Variants in ZC3H12B observed in about 807,000 individuals in gnomAD.
ZC3H12B encodes the protein probable ribonuclease ZC3H12B.
A neutral mutation model predicts 43.9 loss-of-function variants in ZC3H12B; 7 were observed. That is an observed-to-expected ratio of 0.16 (90% CI 0.09 to 0.30). The LOEUF (loss-of-function observed/expected upper bound fraction) is 0.30, where lower values mean the gene tolerates loss of function less well. ZC3H12B is among the 10% of genes least tolerant of loss of function. ZC3H12B has a pLI of 1.00. For synonymous variants in ZC3H12B, 222 were observed against 241.7 expected (o/e 0.92, Z 0.76); for missense variants, 475 against 670.2 (o/e 0.71, Z 3.22).
chrX:65,419,216 G>A (rs1048820311), intron 3 of ZC3H12B, among the ~76,000 whole-genome samples: 26 of 112,041 alleles, frequency 2.3e-4, no homozygotes, highest in Non-Finnish European at 4.3e-4. Flanking sequence ...GTGGAATGAG[G>A]CCTAAATGGA....
At chrX:65,287,293 C>T in the ZC3H12B span, among the ~76,000 whole-genome samples, 1 of 111,591 alleles carries the variant, frequency 9.0e-6, no homozygotes, top group African/African-American at 3.3e-5. Context: ...GGGCACAAAA[C>T]AAGTCTCAAC....
chrX:65,174,938 A>G, the ZC3H12B span, among the ~76,000 whole-genome samples: 1 of 107,845 alleles, frequency 9.3e-6, no homozygotes, highest in Non-Finnish European at 1.9e-5. Flanking sequence ...CAAAAAACAA[A>G]CAAAAAAAAA....
the ZC3H12B span, among the ~76,000 whole-genome samples, chrX:65,230,693 C>T: frequency 1.8e-5 from 2 of 108,752 alleles, no homozygotes; most frequent in East Asian, 5.7e-4. Context: ...CGTTTTTCTT[C>T]AAACATGAAA....
chrX:65,402,550 G>T (rs1025459372), intron 3 of ZC3H12B, among the ~76,000 whole-genome samples: 1 of 111,961 alleles, frequency 8.9e-6, no homozygotes, highest in East Asian at 2.8e-4. Flanking sequence ...GACCCAGCAC[G>T]GTCCTAGTCC....
At chrX:65,354,601 G>A in the ZC3H12B span, among the ~76,000 whole-genome samples, 1 of 111,615 alleles carries the variant, frequency 9.0e-6, no homozygotes, top group Non-Finnish European at 1.9e-5. Flanking sequence ...AAAACTGGAC[G>A]GAGAATGAGT....
At chrX:65,283,061 GC>G in the ZC3H12B span, among the ~76,000 whole-genome samples, 26 of 111,721 alleles carry the variant, frequency 2.3e-4, no homozygotes, top group African/African-American at 8.5e-4. Context: ...GAACATCGAT[GC>G]AAAAATCCTC....
At chrX:65,098,564 A>T in the ZC3H12B span, among the ~76,000 whole-genome samples, 1 of 109,521 alleles carries the variant, frequency 9.1e-6, no homozygotes, top group Non-Finnish European at 1.9e-5. Flanking sequence ...TCTCATTGGG[A>T]CTGGTTAGGC....
intron 3 of ZC3H12B, among the ~76,000 whole-genome samples, chrX:65,419,547 C>A (rs1007604431): frequency 1.8e-5 from 2 of 111,614 alleles, no homozygotes; most frequent in African/African-American, 3.3e-5. Context: ...GACAGTTTCA[C>A]ATTACACATA....
the ZC3H12B span, among the ~76,000 whole-genome samples, chrX:65,171,086 G>A: frequency 9.0e-6 from 1 of 111,698 alleles, no homozygotes; most frequent in Non-Finnish European, 1.9e-5. Flanking sequence ...TTGCTAGAGA[G>A]GAGCTGTGTT....
intron 2 of ZC3H12B, among the ~76,000 whole-genome samples, chrX:65,378,304 T>A (rs899300394): frequency 6.3e-5 from 7 of 111,477 alleles, no homozygotes; most frequent in Non-Finnish European, 1.3e-4. Context: ...ATTGAAAGAT[T>A]AAAAAGACGA....
At chrX:65,507,056 T>G in exon 5 of ZC3H12B, 1 of 112,189 alleles carries the variant, frequency 8.9e-6, no homozygotes, top group Admixed American at 9.5e-5. Context: ...ATACAGTAAT[T>G]CAAACACTGA....
chrX:65,451,968 G>C (rs1185514833), intron 3 of ZC3H12B, among the ~76,000 whole-genome samples: 1 of 111,659 alleles, frequency 9.0e-6, no homozygotes, highest in African/African-American at 3.3e-5. Flanking sequence ...GGACATATAG[G>C]TGAAATAATG....
chrX:65,067,923 GTATGT>G, the ZC3H12B span, among the ~76,000 whole-genome samples: 3 of 109,748 alleles, frequency 2.7e-5, no homozygotes, highest in Non-Finnish European at 5.7e-5. Context: ...TTGAGTTTTG[GTATGT>G]TATATTCTAT....
the ZC3H12B span, among the ~76,000 whole-genome samples, chrX:65,306,998 G>T: frequency 8.9e-6 from 1 of 112,530 alleles, no homozygotes; most frequent in Non-Finnish European, 1.9e-5. Context: ...AAGCAGATAA[G>T]TGGGTATGGT....
chrX:65,261,399 T>A, the ZC3H12B span, among the ~76,000 whole-genome samples: 1 of 111,473 alleles, frequency 9.0e-6, no homozygotes, highest in Non-Finnish European at 1.9e-5. Context: ...TAGCCTTCCA[T>A]AATGTTATGG....
chrX:65,331,319 T>G, the ZC3H12B span: 1,574 of 111,694 alleles, frequency 0.014, 13 homozygotes, highest in Non-Finnish European at 0.019. Context: ...TTAAAAGGAA[T>G]AATTTTTTTT....
At chrX:65,458,449 A>G (rs1417527723) in intron 3 of ZC3H12B, among the ~76,000 whole-genome samples, 1 of 111,785 alleles carries the variant, frequency 8.9e-6, no homozygotes, top group African/African-American at 3.3e-5. Context: ...AATTGACCAC[A>G]TAGTTGGAAG....
chrX:65,227,240 G>A, the ZC3H12B span, among the ~76,000 whole-genome samples: 4 of 111,114 alleles, frequency 3.6e-5, no homozygotes, highest in African/African-American at 9.8e-5. Context: ...ACTCAAAACC[G>A]CTCAACTACA....
At chrX:65,070,735 G>A in the ZC3H12B span, among the ~76,000 whole-genome samples, 1 of 105,646 alleles carries the variant, frequency 9.5e-6, no homozygotes, top group Non-Finnish European at 1.9e-5. Flanking sequence ...CTATATAATT[G>A]TATGATTTTG....
Sources: gnomAD v4.1 joint callset for allele counts (sites outside exome capture counted in the v4.1 genomes callset) on GRCh38, gnomAD v4.1.1 for gene constraint, MANE v1.5 for transcripts, NCBI Gene and HGNC (gene_info 2026-07-23, HGNC 2026-07-21) for gene names.